Variants in STK32B observed in about 807,000 individuals in gnomAD.
The protein encoded by STK32B is serine/threonine-protein kinase 32B.
In STK32B, 43 loss-of-function variants were observed where a neutral mutation model predicts 52.6. That is an observed-to-expected ratio of 0.82 (90% CI 0.64 to 1.05). STK32B has a LOEUF of 1.05. Among genes scored for constraint, STK32B ranks in the 50% least tolerant of loss-of-function variants. The probability of loss-of-function intolerance (pLI) is 0.00; values close to 1 mark genes in which losing one functional copy is unlikely to be tolerated. For synonymous variants in STK32B, 238 were observed against 204.3 expected, an observed-to-expected ratio of 1.17 and a Z score of -1.41; for missense variants, 621 against 534.6, an observed-to-expected ratio of 1.16 and a Z score of -1.59.
At chr4:5,046,948 G>C (rs1181137281), upstream of STK32B, among the ~76,000 whole-genome samples, 4 of 152,192 alleles carry the variant, frequency 2.6e-5, no homozygotes, top group East Asian at 7.7e-4. Flanking sequence ...CAACGATCTA[G>C]AGTGAGAAAT....
At chr4:5,375,870 G>T (rs1735556489) in intron 4 of STK32B, among the ~76,000 whole-genome samples, 1 of 152,218 alleles carries the variant, frequency 6.6e-6, no homozygotes, top group Non-Finnish European at 1.5e-5. Flanking sequence ...TCCTCTGTGG[G>T]ATGATGAGGA....
intron 5 of STK32B, among the ~76,000 whole-genome samples, chr4:5,412,929 A>T (rs1033563425): frequency 3.3e-5 from 5 of 152,080 alleles, no homozygotes; most frequent in Non-Finnish European, 7.3e-5. Flanking sequence ...TCAGCCCAGA[A>T]GGTCTGACAC....
intron 3 of STK32B, among the ~76,000 whole-genome samples, chr4:5,191,742 A>G (rs1485197471): frequency 6.6e-6 from 1 of 152,300 alleles, no homozygotes; most frequent in East Asian, 1.9e-4. Flanking sequence ...AACTTTGATG[A>G]GTGGAGATAG....
intron 2 of STK32B, among the ~76,000 whole-genome samples, chr4:5,146,658 C>T (rs943446934): frequency 3.3e-5 from 5 of 152,178 alleles, no homozygotes; most frequent in Non-Finnish European, 7.3e-5. Flanking sequence ...TACTTTGCAT[C>T]CTTCAATCCA....
At chr4:5,436,514 C>G (rs1182213907) in intron 6 of STK32B, 2 of 852,978 alleles carry the variant, frequency 2.3e-6, no homozygotes, top group Non-Finnish European at 1.4e-6. Context: ...AGAAAACTGA[C>G]TCTCTGGTCA....
At chr4:5,336,671 G>A (rs1020161307) in intron 4 of STK32B, among the ~76,000 whole-genome samples, 7 of 152,108 alleles carry the variant, frequency 4.6e-5, no homozygotes, top group Admixed American at 4.6e-4. Context: ...ATACTTTTCT[G>A]TAAAGTAGAG....
At chr4:5,070,644 C>T (rs1188691428) in intron 1 of STK32B, among the ~76,000 whole-genome samples, 1 of 152,070 alleles carries the variant, frequency 6.6e-6, no homozygotes, top group African/African-American at 2.4e-5. Context: ...AAGTGGTGTC[C>T]TTGTGAAGAG....
chr4:5,346,485 G>A (rs530297997), intron 4 of STK32B, among the ~76,000 whole-genome samples: 1 of 152,272 alleles, frequency 6.6e-6, no homozygotes, highest in South Asian at 2.1e-4. Flanking sequence ...CCAGAACAGT[G>A]GGACATAGGA....
At chr4:5,333,303 C>G (rs1732401778) in intron 4 of STK32B, among the ~76,000 whole-genome samples, 1 of 152,130 alleles carries the variant, frequency 6.6e-6, no homozygotes, top group South Asian at 2.1e-4. Context: ...CTGTTCATGT[C>G]CTTTGCCCAC....
At chr4:5,034,587 C>G in the STK32B span, among the ~76,000 whole-genome samples, 1 of 152,206 alleles carries the variant, frequency 6.6e-6, no homozygotes, top group Non-Finnish European at 1.5e-5. Flanking sequence ...ACAGTTTGTG[C>G]CTGATGCTCT....
At position 5,325,322 on chromosome 4, in the gene STK32B, A is replaced by T. The variant is rs144915210; in HGVS notation, c.261-5898A>T. Among the ~76,000 whole-genome samples the T allele has an allele frequency of 1.7e-3, 232 of 132,704 alleles. 1 individual carries two copies. The highest frequency in any genetic ancestry group is 8.4e-3 in the African/African-American group (218 of 26,040). 87.1% of individuals were successfully genotyped at this position (132,704 alleles called of 152,430 possible). On this transcript the variant is annotated intron_variant, in intron 3 of 11. Coordinates refer to ENST00000282908, the MANE Select transcript of STK32B (RefSeq NM_018401.3). ...CAGGACAAAAATCTTGCTTTTCCTAAACAATTGTTTTTTTTTTCCACATCA... is the reference window on the plus strand; with the variant it reads ...CAGGACAAAAATCTTGCTTTTCCTATACAATTGTTTTTTTTTTCCACATCA...
rs1333173338 is a variant in STK32B at position 5,442,527 on chromosome 4, C to G, written c.563-4146C>G. On this transcript the variant is annotated intron_variant, in intron 6 of 11. Transcript: ENST00000282908. ...GCACGTGAGATGGATTTCCTGAATA[C>G]AGCACACTGATGGGTCTTGACTCTT... Among the ~76,000 whole-genome samples, 5 of 149,942 alleles carry G rather than the reference C, an allele frequency of 3.3e-5. No homozygotes were observed. The South Asian group carries it at 7.0e-4, about 21-fold the overall frequency.
At position 5,249,477 on chromosome 4, in the gene STK32B, T is replaced by C. The variant is rs762152685; in HGVS notation, c.260+81027T>C. On this transcript the variant is annotated intron_variant, in intron 3 of 11. Coordinates refer to ENST00000282908, the MANE Select transcript of STK32B (RefSeq NM_018401.3). ...TTCCTTCCTTCCTTCCTTCCTTCCT[T>C]CCTTCCTTCCTTCCTTCCTTCCTTC... Among the ~76,000 whole-genome samples, 1,014 of 130,686 alleles carry C rather than the reference T, an allele frequency of 7.8e-3. 15 individuals are homozygous for C. Among genetic ancestry groups the C allele is most frequent in the African/African-American group, 0.03 (859 of 28,736 alleles). The allele number at this position is 130,686 out of a possible 152,430, so 85.7% of individuals were successfully genotyped here.
At chr4:5,294,090 A>G (rs887043401) in intron 3 of STK32B, among the ~76,000 whole-genome samples, 9 of 152,106 alleles carry the variant, frequency 5.9e-5, no homozygotes, top group African/African-American at 1.7e-4. Flanking sequence ...CAAAGATCAG[A>G]TGGTTGTAGA....
At chr4:5,357,584 T>C (rs1344701361) in intron 4 of STK32B, among the ~76,000 whole-genome samples, 3 of 152,004 alleles carry the variant, frequency 2.0e-5, no homozygotes, top group African/African-American at 7.3e-5. Context: ...AAATGTTCTC[T>C]GGGCAGTCTG....
At chr4:5,346,386 A>G (rs1272334242) in intron 4 of STK32B, among the ~76,000 whole-genome samples, 2 of 152,168 alleles carry the variant, frequency 1.3e-5, no homozygotes, top group Non-Finnish European at 2.9e-5. Flanking sequence ...CTTGGGCAGT[A>G]TCCCACCCTC....
intron 3 of STK32B, among the ~76,000 whole-genome samples, chr4:5,316,178 AC>A (rs1730681519): frequency 1.9e-5 from 2 of 104,220 alleles, no homozygotes; most frequent in African/African-American, 8.2e-5. Flanking sequence ...TATATATATA[AC>A]TAAATATATA....
intron 11 of STK32B, among the ~76,000 whole-genome samples, chr4:5,488,444 A>G (rs1435740763): frequency 2.0e-5 from 3 of 152,096 alleles, no homozygotes; most frequent in Admixed American, 6.6e-5. Context: ...AATATAGGGA[A>G]CTTTTTTTTT....
intron 5 of STK32B, among the ~76,000 whole-genome samples, chr4:5,406,921 G>C (rs1338191832): frequency 6.6e-6 from 1 of 152,164 alleles, no homozygotes; most frequent in African/African-American, 2.4e-5. Context: ...TCTGCAGCCA[G>C]CTTTAAACCC....
Sources: allele counts gnomAD v4.1 joint callset (sites outside exome capture counted in the v4.1 genomes callset), GRCh38; gene constraint gnomAD v4.1.1; transcripts MANE v1.5; gene names NCBI Gene and HGNC (gene_info 2026-07-23, HGNC 2026-07-21).